DOCK8: variants seen among roughly 807,000 people sequenced by gnomAD.
DOCK8 encodes dedicator of cytokinesis 8.
In DOCK8, 141 loss-of-function variants were observed where a neutral mutation model predicts 245.6. That is an observed-to-expected ratio of 0.57 (90% CI 0.50 to 0.66). The LOEUF (loss-of-function observed/expected upper bound fraction) is 0.66, where lower values mean the gene tolerates loss of function less well. DOCK8 is among the 30% of genes least tolerant of loss of function. The pLI is 0.00. For missense variants in DOCK8, 2,965 were observed against 2,603.4 expected, an observed-to-expected ratio of 1.14 and a Z score of -3.02; for synonymous variants, 1,168 against 970.2, an observed-to-expected ratio of 1.20 and a Z score of -3.79.
At chr9:441,075 G>A (rs558311649) in intron 40 of DOCK8, among the ~76,000 whole-genome samples, 7 of 151,878 alleles carry the variant, frequency 4.6e-5, no homozygotes, top group South Asian at 2.1e-4. Context: ...CTTACTTATC[G>A]CCATACAGGA....
intron 12 of DOCK8, among the ~76,000 whole-genome samples, chr9:337,751 C>G (rs1037558874): frequency 2.6e-5 from 4 of 152,144 alleles, no homozygotes; most frequent in African/African-American, 9.7e-5. Flanking sequence ...TGGGGAGTCA[C>G]TGGTTAAAGG....
In DOCK8 at chr9:420,599, C is replaced by G; in HGVS notation, c.4023+16C>G. 6.2e-7 allele frequency: 1 copy of G among 1,614,022 alleles called. No individual in the cohort carries two copies. On this transcript the variant is annotated intron_variant, in intron 31 of 47. Coordinates refer to ENST00000432829, the MANE Select transcript of DOCK8 (RefSeq NM_203447.4). Reference sequence around the variant, plus strand: ...TGAGTATAAGGTAAGTCTGGAGTGGCACAACTTTATACCAGCTCTTATCTC... The same window carrying G: ...TGAGTATAAGGTAAGTCTGGAGTGGGACAACTTTATACCAGCTCTTATCTC...
At chr9:302,988 A>G (rs1030160660) in intron 4 of DOCK8, among the ~76,000 whole-genome samples, 22 of 151,922 alleles carry the variant, frequency 1.4e-4, no homozygotes, top group Non-Finnish European at 2.4e-4. Context: ...AAATGGAAAA[A>G]AAAAAAGAAA....
chr9:360,498 A>G (rs939408679), intron 14 of DOCK8, among the ~76,000 whole-genome samples: 1 of 152,196 alleles, frequency 6.6e-6, no homozygotes, highest in Non-Finnish European at 1.5e-5. Context: ...TTTGTATATC[A>G]TTTTATAACA....
rs563191866 is a variant in DOCK8, at chr9:239,482, G to A, written c.53+24453G>A. Among the ~76,000 whole-genome samples, 5 of 152,232 alleles carry A rather than the reference G, an allele frequency of 3.3e-5. No individual in the cohort carries two copies. The East Asian group carries it at 9.6e-4, about 29-fold the overall frequency. ...CACCAGGTATACTTGTATGAGAGAT[G>A]GGAAAGAAAGGAAATATTGAAAGAG... On this transcript the variant is annotated intron_variant, in intron 1 of 47. Transcript: ENST00000432829.
intron 6 of DOCK8, among the ~76,000 whole-genome samples, chr9:314,621 C>G (rs2050267748): frequency 6.6e-6 from 1 of 152,182 alleles, no homozygotes; most frequent in African/African-American, 2.4e-5. Context: ...TATTTGTAAA[C>G]TGGCGTGTCT....
intron 4 of DOCK8, among the ~76,000 whole-genome samples, chr9:291,185 T>A (rs2049023032): frequency 6.6e-6 from 1 of 152,266 alleles, no homozygotes; most frequent in African/African-American, 2.4e-5. Flanking sequence ...TTTTGATACA[T>A]TTGGTTTTCA....
intron 32 of DOCK8, among the ~76,000 whole-genome samples, chr9:421,310 C>A (rs1323753990): frequency 1.3e-5 from 2 of 152,202 alleles, no homozygotes; most frequent in Non-Finnish European, 2.9e-5. Flanking sequence ...CAAATGACAT[C>A]TTTTAATTAA....
At chr9:283,128 C>T (rs1470463637) in intron 2 of DOCK8, among the ~76,000 whole-genome samples, 2 of 152,130 alleles carry the variant, frequency 1.3e-5, no homozygotes, top group African/African-American at 2.4e-5. Context: ...AAAATTATAG[C>T]GGTTAAGAAT....
At chr9:330,499 C>T (rs1390808872) in intron 9 of DOCK8, among the ~76,000 whole-genome samples, 1 of 152,146 alleles carries the variant, frequency 6.6e-6, no homozygotes, top group Admixed American at 6.5e-5. Context: ...TATTTTGCTA[C>T]ATTTGCTGTG....
At chr9:345,924 T>C (rs2051861903) in intron 14 of DOCK8, among the ~76,000 whole-genome samples, 1 of 151,930 alleles carries the variant, frequency 6.6e-6, no homozygotes, top group South Asian at 2.1e-4. Context: ...GGTTGGGCAT[T>C]CATAAAATAA....
At chr9:317,384 T>C (rs1158707544) in intron 7 of DOCK8, among the ~76,000 whole-genome samples, 3 of 152,082 alleles carry the variant, frequency 2.0e-5, no homozygotes, top group Non-Finnish European at 2.9e-5. Context: ...GGTAAGGTCA[T>C]TGAGTGAAAT....
rs2048839851 is a variant in DOCK8, at chr9:286,732, A to G, written c.332+96A>G. 2.5e-5 allele frequency: 30 copies of G among 1,178,682 alleles called. No homozygotes were observed. The South Asian group carries it at 3.3e-4, about 13-fold the overall frequency. 73.0% of individuals were successfully genotyped at this position (1,178,682 alleles called of 1,614,324 possible). Reference sequence around the variant, plus strand: ...ATGCCTTCAATCTGAACTTAAAAATAAAATAAAATTACTCAATCCATTCAA... The same window carrying G: ...ATGCCTTCAATCTGAACTTAAAAATGAAATAAAATTACTCAATCCATTCAA... On this transcript the variant is annotated intron_variant, in intron 3 of 47. Transcript: ENST00000432829.
In DOCK8 at chr9:405,030, C is replaced by T. The variant is rs1262475105; in HGVS notation, c.3347C>T (p.Ala1116Val). The T allele has an allele frequency of 6.2e-7, 1 of 1,613,864 alleles. No homozygotes were observed. Residue 1116 changes from alanine (A) to valine (V), a missense_variant, in exon 27 of 48, where the codon GCT becomes GTT. By Grantham distance (64) the Ala-to-Val change is moderately conservative (BLOSUM62 0). This residue lies in a region of DOCK8 where 2,825 missense variants were observed against 2,453.5 expected (regional missense o/e 1.15). Transcript: ENST00000432829. The stretch of plus-strand genomic sequence containing the variant: ...AATCTGAACCTTTTTTTTATGAATG[C>T]TGATACTGCTCCAACATCTCCTTGT... ...YLNLNLFFMN[A>V]DTAPTSPCPS...
chr9:342,901 C>G (rs1020440076), intron 14 of DOCK8, among the ~76,000 whole-genome samples: 4 of 152,046 alleles, frequency 2.6e-5, no homozygotes, highest in African/African-American at 9.7e-5. Context: ...GATTTTTTGT[C>G]TTTGCCCCTC....
intron 4 of DOCK8, among the ~76,000 whole-genome samples, chr9:296,859 A>G (rs958420992): frequency 6.6e-6 from 1 of 152,014 alleles, no homozygotes; most frequent in African/African-American, 2.4e-5. Flanking sequence ...ACAAATCCAA[A>G]CCCACTAAGA....
chr9:312,977 C>T (rs1034972899), intron 6 of DOCK8: 1 of 153,600 alleles, frequency 6.5e-6, no homozygotes, highest in South Asian at 2.0e-4. Context: ...AAAAGATATT[C>T]TATCCATCCA....
intron 46 of DOCK8, chr9:458,523 G>A (rs988916286): frequency 6.6e-6 from 1 of 152,230 alleles, no homozygotes; most frequent in Admixed American, 6.6e-5. Context: ...GAAAAAGGGG[G>A]GCCAAGGCTG....
rs554276954 is a variant in DOCK8, at chr9:431,634, G to A, written c.4627-532G>A. On this transcript the variant is annotated intron_variant, in intron 36 of 47. Transcript: ENST00000432829. The stretch of plus-strand genomic sequence containing the variant: ...AGCAATTCTCCTGCCTCAGCCTCTC[G>A]AGTAGCTGGAATTACAGGTGTCCAC... Among the ~76,000 whole-genome samples, 9 of 152,190 alleles carry A rather than the reference G, an allele frequency of 5.9e-5. No individual in the cohort carries two copies. The South Asian group carries it at 6.2e-4, about 11-fold the overall frequency.
Sources: allele counts gnomAD v4.1 joint callset (sites outside exome capture counted in the v4.1 genomes callset), GRCh38; gene constraint gnomAD v4.1.1; regional missense constraint gnomAD v4.1.1; transcripts MANE v1.5; gene names NCBI Gene and HGNC (gene_info 2026-07-23, HGNC 2026-07-21).